Variants in MYRIP observed in about 807,000 individuals in gnomAD.
MYRIP encodes the protein myosin VIIA and Rab interacting protein.
A neutral mutation model predicts 98.0 loss-of-function variants in MYRIP; 49 were observed. That is an observed-to-expected ratio of 0.50 (90% CI 0.40 to 0.63). The LOEUF is 0.63. Ranked by LOEUF, MYRIP falls within the 30% of genes least tolerant of loss-of-function variation. MYRIP has a pLI of 0.00. For synonymous variants in MYRIP, 404 were observed against 409.5 expected, an observed-to-expected ratio of 0.99 and a Z score of 0.16; for missense variants, 1,004 against 1,058.2, an observed-to-expected ratio of 0.95 and a Z score of 0.71.
At chr3:39,880,379 A>T (rs973321024) in intron 1 of MYRIP, among the ~76,000 whole-genome samples, 2 of 152,262 alleles carry the variant, frequency 1.3e-5, no homozygotes, top group Non-Finnish European at 2.9e-5. Context: ...TCAGTTTTAA[A>T]GCTGCATTTT....
At chr3:40,022,947 A>G (rs1947029968) in intron 2 of MYRIP, among the ~76,000 whole-genome samples, 1 of 152,200 alleles carries the variant, frequency 6.6e-6, no homozygotes, top group African/African-American at 2.4e-5. Flanking sequence ...GATCCTAGGC[A>G]AAAATTCCAG....
At chr3:40,064,262 C>T (rs889281516) in intron 3 of MYRIP, among the ~76,000 whole-genome samples, 3 of 151,512 alleles carry the variant, frequency 2.0e-5, no homozygotes, top group African/African-American at 7.3e-5. Context: ...CAAGTAAGGG[C>T]AGGAGCAGGA....
intron 4 of MYRIP, among the ~76,000 whole-genome samples, chr3:40,159,209 G>C (rs980059920): frequency 2.0e-5 from 3 of 151,510 alleles, no homozygotes; most frequent in African/African-American, 7.3e-5. Flanking sequence ...AAATCTCTCA[G>C]CATTTGCTTG....
intron 3 of MYRIP, among the ~76,000 whole-genome samples, chr3:40,047,744 G>A (rs987995630): frequency 1.3e-5 from 2 of 152,198 alleles, no homozygotes. Context: ...CTAAGGCCCT[G>A]TTTGACAGAG....
chr3:39,887,013 C>A (rs1298929226), intron 1 of MYRIP, among the ~76,000 whole-genome samples: 1 of 151,634 alleles, frequency 6.6e-6, no homozygotes, highest in Non-Finnish European at 1.5e-5. Context: ...TGCAATCAAA[C>A]TAGAACTCAG....
intron 13 of MYRIP, among the ~76,000 whole-genome samples, chr3:40,247,490 G>A (rs1448122277): frequency 6.6e-6 from 1 of 151,914 alleles, no homozygotes; most frequent in Non-Finnish European, 1.5e-5. Flanking sequence ...ATAAAACCGG[G>A]ATTTTAATCC....
At chr3:39,924,863 A>G (rs9859221) in intron 2 of MYRIP, among the ~76,000 whole-genome samples, 56,086 of 151,642 alleles carry the variant, frequency 0.37, 10,694 homozygotes, top group East Asian at 0.45. Context: ...TAAATAATCC[A>G]TAGGTCAAGG....
intron 12 of MYRIP, among the ~76,000 whole-genome samples, chr3:40,242,018 C>G (rs1482804658): frequency 6.6e-6 from 1 of 152,126 alleles, no homozygotes; most frequent in Non-Finnish European, 1.5e-5. Context: ...CTGAGATTAT[C>G]ACAGCATCAT....
intron 1 of MYRIP, among the ~76,000 whole-genome samples, chr3:39,874,374 T>G (rs1445420152): frequency 6.6e-6 from 1 of 151,776 alleles, no homozygotes; most frequent in Admixed American, 6.5e-5. Flanking sequence ...CTTCCAACAC[T>G]ATGTTGAATA....
At chr3:39,992,894 A>G (rs1293197313) in intron 2 of MYRIP, among the ~76,000 whole-genome samples, 1 of 152,086 alleles carries the variant, frequency 6.6e-6, no homozygotes, top group African/African-American at 2.4e-5. Flanking sequence ...CCTGTAATCT[A>G]GAAACTTTCA....
chr3:39,889,995 T>G (rs1943442326), intron 1 of MYRIP, among the ~76,000 whole-genome samples: 1 of 152,128 alleles, frequency 6.6e-6, no homozygotes, highest in Admixed American at 6.6e-5. Context: ...AAAATTTTTT[T>G]TAAAAATCAG....
chr3:39,935,850 A>T (rs1944644525), intron 2 of MYRIP, among the ~76,000 whole-genome samples: 1 of 152,140 alleles, frequency 6.6e-6, no homozygotes, highest in African/African-American at 2.4e-5. Flanking sequence ...TGTTGTAAGT[A>T]TGTGTTTCTA....
chr3:40,040,104 C>G (rs1255874433), intron 2 of MYRIP, among the ~76,000 whole-genome samples: 1 of 152,280 alleles, frequency 6.6e-6, no homozygotes, highest in South Asian at 2.1e-4. Flanking sequence ...TATAAGACCC[C>G]TTTTCCAAAT....
chr3:40,218,580 T>TACACAC (rs775687543), intron 11 of MYRIP, among the ~76,000 whole-genome samples: 378 of 14,820 alleles, frequency 0.026, 4 homozygotes, highest in East Asian at 0.062. Context: ...CATACACATT[T>TACACAC]ACACACACAC....
intron 8 of MYRIP, chr3:40,173,876 T>C (rs1160957926): frequency 1.3e-5 from 2 of 152,272 alleles, no homozygotes; most frequent in East Asian, 1.9e-4. Context: ...GCATAACTCA[T>C]GGCTATGCTT....
At chr3:40,004,084 C>G (rs1463725778) in intron 2 of MYRIP, among the ~76,000 whole-genome samples, 1 of 152,208 alleles carries the variant, frequency 6.6e-6, no homozygotes, top group Non-Finnish European at 1.5e-5. Context: ...ATGTTTCAAT[C>G]TAGTGGATTT....
chr3:39,860,481 G>A (rs922738188), intron 1 of MYRIP, among the ~76,000 whole-genome samples: 3 of 152,172 alleles, frequency 2.0e-5, no homozygotes, highest in African/African-American at 7.2e-5. Context: ...AACAGATCAG[G>A]GTGATCTTGT....
At chr3:39,885,116 T>C (rs1473484363) in intron 1 of MYRIP, among the ~76,000 whole-genome samples, 1 of 152,032 alleles carries the variant, frequency 6.6e-6, no homozygotes, top group East Asian at 1.9e-4. Context: ...AGTCCTTCAG[T>C]CTGCACTTAT....
chr3:39,882,980 AT>A (rs1225809823), intron 1 of MYRIP, among the ~76,000 whole-genome samples: 2 of 152,130 alleles, frequency 1.3e-5, no homozygotes, highest in Admixed American at 1.3e-4. Context: ...AAAATAAAAA[AT>A]ATGTCTCTTT....
Sources: allele counts gnomAD v4.1 joint callset (sites outside exome capture counted in the v4.1 genomes callset), GRCh38; gene constraint gnomAD v4.1.1; transcripts MANE v1.5; gene names NCBI Gene and HGNC (gene_info 2026-07-23, HGNC 2026-07-21).